The following THSD7B variants were observed in gnomAD, a reference collection of about 807,000 sequenced individuals.
THSD7B encodes thrombospondin type-1 domain-containing protein 7B.
Under a neutral mutation model 213.6 loss-of-function variants are expected in THSD7B, and 138 were observed. That is an observed-to-expected ratio of 0.65 (90% CI 0.56 to 0.74). The LOEUF is 0.74. THSD7B is among the 30% of genes least tolerant of loss of function. The pLI is 0.00. For synonymous variants in THSD7B, 742 were observed against 687.0 expected, an observed-to-expected ratio of 1.08 and a Z score of -1.25; for missense variants, 1,931 against 1,991.5, an observed-to-expected ratio of 0.97 and a Z score of 0.58.
intron 1 of THSD7B, among the ~76,000 whole-genome samples, chr2:136,812,327 G>A (rs1003377253): frequency 1.3e-5 from 2 of 152,150 alleles, no homozygotes; most frequent in East Asian, 3.8e-4. Flanking sequence ...CATAGCCACT[G>A]AATTATCTAG....
intron 12 of THSD7B, among the ~76,000 whole-genome samples, chr2:137,285,862 G>C (rs2104825621): frequency 6.6e-6 from 1 of 152,120 alleles, no homozygotes; most frequent in African/African-American, 2.4e-5. Context: ...CCAGCACTTT[G>C]GGAGGTTGAG....
At position 137,566,389 on chromosome 2, in the gene THSD7B, A is replaced by G. The variant is rs181521998; in HGVS notation, c.3272+3035A>G. Among the ~76,000 whole-genome samples, 7 of 152,282 alleles carry G rather than the reference A, an allele frequency of 4.6e-5. No individual in the cohort carries two copies. In the East Asian group the frequency reaches 1.2e-3, roughly 25 times the overall value. ...TCTGTTGACAAGGAGATAGGAGGAA[A>G]TGCTCAAATCTGCCTCCCTGAGCTG... On this transcript the variant is annotated intron_variant, in intron 16 of 27. Transcript: ENST00000409968.
intron 4 of THSD7B, among the ~76,000 whole-genome samples, chr2:137,096,237 A>G (rs1306677309): frequency 1.3e-5 from 2 of 152,154 alleles, no homozygotes; most frequent in South Asian, 2.1e-4. Context: ...TGTAACTTCT[A>G]TGACTAGAAA....
chr2:137,527,885 C>T (rs932878241), intron 15 of THSD7B, among the ~76,000 whole-genome samples: 1 of 152,036 alleles, frequency 6.6e-6, no homozygotes, highest in African/African-American at 2.4e-5. Flanking sequence ...AAACAGAAAG[C>T]AACCAAGAGA....
At chr2:137,269,398 CGTGTGTGCAT>C (rs1682681869) in intron 10 of THSD7B, among the ~76,000 whole-genome samples, 1 of 152,198 alleles carries the variant, frequency 6.6e-6, no homozygotes, top group Non-Finnish European at 1.5e-5. Flanking sequence ...GGTGTGTGCA[CGTGTGTGCAT>C]GTGCATGTTC....
chr2:136,984,846 G>A (rs1685644301), intron 2 of THSD7B, among the ~76,000 whole-genome samples: 1 of 152,166 alleles, frequency 6.6e-6, no homozygotes, highest in African/African-American at 2.4e-5. Flanking sequence ...CGAAGGCCAG[G>A]CTGAAGAGGT....
intron 1 of THSD7B, among the ~76,000 whole-genome samples, chr2:136,861,036 A>G (rs1683250513): frequency 6.6e-6 from 1 of 152,240 alleles, no homozygotes; most frequent in Admixed American, 6.5e-5. Flanking sequence ...TTACTGCTGC[A>G]TTCTTAGCAC....
At chr2:137,290,075 A>G (rs984639413) in intron 12 of THSD7B, among the ~76,000 whole-genome samples, 1 of 151,670 alleles carries the variant, frequency 6.6e-6, no homozygotes, top group African/African-American at 2.4e-5. Context: ...TCTCATTTTA[A>G]ATCCAGTAAT....
At chr2:137,634,885 T>C (rs1007126366) in intron 20 of THSD7B, among the ~76,000 whole-genome samples, 2 of 152,184 alleles carry the variant, frequency 1.3e-5, no homozygotes, top group Admixed American at 6.5e-5. Flanking sequence ...TCTGATATGC[T>C]TTAAACCTGT....
At chr2:137,198,245 G>A (rs1311268385) in intron 7 of THSD7B, among the ~76,000 whole-genome samples, 1 of 152,064 alleles carries the variant, frequency 6.6e-6, no homozygotes, top group African/African-American at 2.4e-5. Flanking sequence ...TCTTCCTTCT[G>A]GGATTCCTCT....
At chr2:137,042,419 A>T (rs889638365) in intron 2 of THSD7B, among the ~76,000 whole-genome samples, 3 of 152,154 alleles carry the variant, frequency 2.0e-5, no homozygotes. Flanking sequence ...TTCCTCCAGG[A>T]AACAGTTACA....
At chr2:136,839,162 G>A (rs1229888743) in intron 1 of THSD7B, among the ~76,000 whole-genome samples, 1 of 152,210 alleles carries the variant, frequency 6.6e-6, no homozygotes, top group Non-Finnish European at 1.5e-5. Context: ...ACTATGCTTT[G>A]AGGAGCAAAG....
intron 15 of THSD7B, among the ~76,000 whole-genome samples, chr2:137,464,741 T>C (rs1285158793): frequency 6.6e-6 from 1 of 152,202 alleles, no homozygotes; most frequent in African/African-American, 2.4e-5. Flanking sequence ...AATTGACTGT[T>C]TAAAAAATTA....
chr2:137,535,965 T>C lies in THSD7B; in HGVS notation c.3139-27256T>C, dbSNP rs183464630. Among the ~76,000 whole-genome samples, 333 of 151,098 alleles carry C rather than the reference T, an allele frequency of 2.2e-3. 1 individual carries two copies. Among genetic ancestry groups the C allele is most frequent in the African/African-American group, 6.6e-3 (271 of 41,330 alleles). On this transcript the variant is annotated intron_variant, in intron 15 of 27. Transcript: ENST00000409968. ...GAGTGGATAAGGTACAGGGAGAGTG[T>C]TGAAGATAATTTCAGATAAATAGGC... is the stretch of plus-strand genomic sequence containing the variant.
intron 21 of THSD7B, among the ~76,000 whole-genome samples, chr2:137,648,443 C>T (rs1683078226): frequency 6.6e-6 from 1 of 152,084 alleles, no homozygotes; most frequent in Non-Finnish European, 1.5e-5. Flanking sequence ...TTGTGAGATC[C>T]ACCTTTTTAG....
intron 25 of THSD7B, among the ~76,000 whole-genome samples, chr2:137,661,298 G>A (rs1313986482): frequency 6.6e-6 from 1 of 151,996 alleles, no homozygotes; most frequent in Non-Finnish European, 1.5e-5. Context: ...GAAATTTACA[G>A]ACTAATATAA....
At chr2:137,621,617 C>A (rs1178089543) in intron 20 of THSD7B, among the ~76,000 whole-genome samples, 1 of 152,054 alleles carries the variant, frequency 6.6e-6, no homozygotes, top group Non-Finnish European at 1.5e-5. Flanking sequence ...GCAACAAGAC[C>A]ATAGCATAAA....
intron 16 of THSD7B, among the ~76,000 whole-genome samples, chr2:137,570,942 C>T (rs73958894): frequency 0.25 from 37,331 of 152,038 alleles, 4,712 homozygotes; most frequent in South Asian, 0.35. Flanking sequence ...CTTTATTAAA[C>T]CATTTTGAAA....
chr2:137,332,352 G>T (rs889322057), intron 12 of THSD7B, among the ~76,000 whole-genome samples: 9 of 152,164 alleles, frequency 5.9e-5, no homozygotes, highest in Admixed American at 5.2e-4. Flanking sequence ...CCGGCCCTGA[G>T]TCCCTTTGTT....
Sources: gnomAD v4.1 joint callset for allele counts (sites outside exome capture counted in the v4.1 genomes callset) on GRCh38, gnomAD v4.1.1 for gene constraint, MANE v1.5 for transcripts, NCBI Gene and HGNC (gene_info 2026-07-23, HGNC 2026-07-21) for gene names.